AK7: variants seen among roughly 807,000 people sequenced by gnomAD.
AK7 encodes ATP-AMP transphosphorylase 7.
In AK7, 78 loss-of-function variants were observed where a neutral mutation model predicts 96.6. The observed-to-expected ratio is 0.81, with a 90% confidence interval of 0.67 to 0.97. The LOEUF (loss-of-function observed/expected upper bound fraction) is 0.97, where lower values mean the gene tolerates loss of function less well. Ranked by LOEUF, AK7 falls within the 50% of genes least tolerant of loss-of-function variation. The pLI, the probability that AK7 is intolerant of heterozygous loss-of-function variation, is 0.00. For synonymous variants in AK7, 302 were observed against 317.2 expected (o/e 0.95, Z 0.51); for missense variants, 855 against 887.9 (o/e 0.96, Z 0.47).
At chr14:96,478,733 A>G in intron 15 of AK7, 71 bp downstream of exon 15, 2 of 1,492,162 alleles carry the variant, frequency 1.3e-6, no homozygotes, top group Non-Finnish European at 1.8e-6. Flanking sequence ...GTCTAGCTGT[A>G]ATTGTGGGGC....
At chr14:96,465,730 G>A (rs933063383) in intron 12 of AK7, among the ~76,000 whole-genome samples, 6 of 151,990 alleles carry the variant, frequency 3.9e-5, no homozygotes, top group Non-Finnish European at 5.9e-5. Context: ...GAACCAAAGA[G>A]GCCAGGCGCA....
chr14:96,481,411 A>G (rs1895494874), intron 15 of AK7, among the ~76,000 whole-genome samples: 1 of 152,144 alleles, frequency 6.6e-6, no homozygotes, highest in South Asian at 2.1e-4. Context: ...CAGTGGCGCA[A>G]TCTTGGCTCA....
intron 17 of AK7, 111 bp from the exon 18 acceptor site, chr14:96,488,194 T>G: frequency 2.0e-6 from 2 of 1,010,410 alleles, no homozygotes; most frequent in East Asian, 2.6e-5. Flanking sequence ...ATTACAGGCA[T>G]GAGCCACCAA....
At chr14:96,433,613 G>A (rs980814033) in intron 5 of AK7, among the ~76,000 whole-genome samples, 4 of 152,174 alleles carry the variant, frequency 2.6e-5, no homozygotes, top group East Asian at 1.9e-4. Flanking sequence ...CGATGTGTTC[G>A]AACATCCTCC....
At chr14:96,397,832 C>T (rs1373097) in intron 1 of AK7, among the ~76,000 whole-genome samples, 9,446 of 152,192 alleles carry the variant, frequency 0.062, 396 homozygotes, top group African/African-American at 0.11. Context: ...GTGCAGTATC[C>T]GGAAACAAGT....
chr14:96,397,609 A>T (rs1164108870), intron 1 of AK7, among the ~76,000 whole-genome samples: 1 of 152,056 alleles, frequency 6.6e-6, no homozygotes, highest in Non-Finnish European at 1.5e-5. Context: ...GCTACTAGAA[A>T]ATTTAAAACT....
chr14:96,465,336 G>T (rs1307572749), intron 12 of AK7, among the ~76,000 whole-genome samples: 1 of 152,058 alleles, frequency 6.6e-6, no homozygotes, highest in Non-Finnish European at 1.5e-5. Flanking sequence ...GGTGGCGGGT[G>T]CCTGTAGTCC....
rs76293597 is a variant in AK7, at chr14:96,478,541, G to A, written c.1632G>A (p.Ala544=). 85,604 of 1,614,106 alleles carry A rather than the reference G, an allele frequency of 0.053. 2,493 individuals carry two copies. The highest frequency in any genetic ancestry group is 0.066 in the Admixed American group (3,939 of 60,008). The change falls in exon 15 of 18, where the codon GCG becomes GCA. Residue 544 remains alanine (A), a synonymous_variant. Coordinates refer to ENST00000267584, the MANE Select transcript of AK7 (RefSeq NM_152327.5). ...RVINLPESIV[A]GTHYSQDRFL... The stretch of plus-strand genomic sequence containing the variant: ...TAAACCTTCCTGAGAGCATCGTGGC[G>A]GGGACCCACTACAGCCAAGACCGAT...
intron 14 of AK7, among the ~76,000 whole-genome samples, chr14:96,473,173 T>C (rs1161060472): frequency 5.5e-5 from 3 of 54,194 alleles, no homozygotes; most frequent in African/African-American, 2.3e-4. Context: ...GCCCAGCTAA[T>C]TTTTTTTTTT....
At position 96,392,201 on chromosome 14, in the gene AK7, G is replaced by A; in HGVS notation, c.47G>A (p.Arg16Gln). The change falls in exon 1 of 18, where the codon CGG becomes CAG. Residue 16 changes from arginine (R) to glutamine (Q), a missense_variant. Physicochemically the swap from Arg to Gln is conservative, Grantham distance 43. Transcript: ENST00000267584. ...GCTGCTCTCACGGAGAAGGTTATCCGGACCCAGAGGGTGTTTATAAACCTG... is the reference window on the plus strand; with the variant it reads ...GCTGCTCTCACGGAGAAGGTTATCCAGACCCAGAGGGTGTTTATAAACCTG... The part of the protein sequence containing the change: ...ETAALTEKVI[R>Q]TQRVFINLLD... 1 of 1,613,704 alleles carries A rather than the reference G, an allele frequency of 6.2e-7. No homozygotes were observed. The highest frequency in any genetic ancestry group is 2.2e-5 in the East Asian group (1 of 44,852).
At chr14:96,440,483 C>A (rs1362427457) in intron 6 of AK7, among the ~76,000 whole-genome samples, 3 of 152,170 alleles carry the variant, frequency 2.0e-5, no homozygotes, top group African/African-American at 7.2e-5. Flanking sequence ...ATGACTCAAA[C>A]TTCAGTCTCC....
intron 17 of AK7, 127 bp downstream of exon 17, chr14:96,487,183 T>A: frequency 1.1e-6 from 1 of 912,534 alleles, no homozygotes; most frequent in Non-Finnish European, 1.6e-6. Flanking sequence ...GAGACCACCC[T>A]GCCAACATAG....
At chr14:96,478,147 TAGAA>T (rs1173702267) in intron 14 of AK7, among the ~76,000 whole-genome samples, 2 of 134,296 alleles carry the variant, frequency 1.5e-5, no homozygotes, top group African/African-American at 5.8e-5. Context: ...TTTTATTAGT[TAGAA>T]AGGGAGGAAG....
At chr14:96,408,075 C>T (rs1890825254) in intron 3 of AK7, among the ~76,000 whole-genome samples, 2 of 152,306 alleles carry the variant, frequency 1.3e-5, no homozygotes, top group East Asian at 1.9e-4. Flanking sequence ...GATTACCAAA[C>T]GTTTCTGCCT....
intron 3 of AK7, among the ~76,000 whole-genome samples, chr14:96,405,827 T>G (rs1030798055): frequency 6.6e-6 from 1 of 152,222 alleles, no homozygotes; most frequent in Non-Finnish European, 1.5e-5. Context: ...ATGTAATGAA[T>G]TCTAAGGACC....
chr14:96,479,468 G>T (rs1282554347), intron 15 of AK7, among the ~76,000 whole-genome samples: 1 of 149,470 alleles, frequency 6.7e-6, no homozygotes, highest in African/African-American at 2.5e-5. Flanking sequence ...GCAGTGTTCT[G>T]TCCCTGTTAA....
At chr14:96,466,742 A>C (rs1332461422) in intron 12 of AK7, among the ~76,000 whole-genome samples, 1 of 152,124 alleles carries the variant, frequency 6.6e-6, no homozygotes, top group African/African-American at 2.4e-5. Flanking sequence ...TAACATGAAA[A>C]ATACACGGCC....
At chr14:96,425,617 G>A (rs1891984695) in intron 5 of AK7, among the ~76,000 whole-genome samples, 1 of 151,638 alleles carries the variant, frequency 6.6e-6, no homozygotes, top group Admixed American at 6.6e-5. Context: ...TGAGTAGCTG[G>A]AATTACAGGC....
At chr14:96,480,002 A>G (rs576811929) in intron 15 of AK7, among the ~76,000 whole-genome samples, 76 of 152,324 alleles carry the variant, frequency 5.0e-4, no homozygotes, top group Non-Finnish European at 4.4e-5. Flanking sequence ...TGAAATAGGA[A>G]AATAATCAGG....
Sources: gnomAD v4.1 joint callset for allele counts (sites outside exome capture counted in the v4.1 genomes callset) on GRCh38, gnomAD v4.1.1 for gene constraint, MANE v1.5 for transcripts, NCBI Gene and HGNC (gene_info 2026-07-23, HGNC 2026-07-21) for gene names.